Variants in EYS observed in about 807,000 individuals in gnomAD.
EYS encodes the protein protein eyes shut homolog.
EYS carries 250 observed loss-of-function variants against 282.1 expected under a neutral mutation model. The observed-to-expected ratio is 0.89, with a 90% CI of 0.80 to 0.98. The LOEUF (loss-of-function observed/expected upper bound fraction) is 0.98, where lower values mean the gene tolerates loss of function less well. Ranked by LOEUF, EYS falls within the 50% of genes least tolerant of loss-of-function variation. The pLI is 0.00. For missense variants in EYS, 4,016 were observed against 3,709.0 expected (o/e 1.08, Z -2.15); for synonymous variants, 1,355 against 1,282.9 (o/e 1.06, Z -1.20).
intron 29 of EYS, among the ~76,000 whole-genome samples, chr6:64,369,867 G>C (rs1261710621): frequency 1.3e-5 from 2 of 151,932 alleles, no homozygotes; most frequent in African/African-American, 2.4e-5. Flanking sequence ...ACTGATTTTT[G>C]TACATTGATT....
At chr6:64,170,384 CAG>C (rs908818481) in intron 31 of EYS, among the ~76,000 whole-genome samples, 4 of 152,164 alleles carry the variant, frequency 2.6e-5, no homozygotes, top group Non-Finnish European at 5.9e-5. Context: ...TTTAAAATAA[CAG>C]AAATGTATTG....
In EYS at chr6:64,439,221, C is replaced by G. The variant is rs1051421896; in HGVS notation, c.5776G>C (p.Asp1926His). 6 of 1,485,012 alleles carry G rather than the reference C, an allele frequency of 4.0e-6. No homozygotes were observed. Among genetic ancestry groups the G allele is most frequent in the Non-Finnish European group, 5.4e-6 (6 of 1,118,188 alleles). The allele number at this position is 1,485,012 out of a possible 1,614,324, so 92.0% of individuals were successfully genotyped here. ...SYGLLLYVKQDSNLVDGFFIQ... is the reference protein window; with the variant it reads ...SYGLLLYVKQHSNLVDGFFIQ... ...AAAAATCCATCTACTAAATTTGAGT[C>G]TTGCTTGACATACAGCAGAAGTCCA... The change falls in exon 27 of 43, where the codon GAC (aspartate) becomes CAC (histidine). Residue 1926 changes from aspartate to histidine, a missense_variant. Physicochemically the swap from Asp to His is moderately conservative, Grantham distance 81. Coordinates refer to ENST00000503581, the MANE Select transcript of EYS (RefSeq NM_001142800.2).
chr6:65,421,531 T>C lies in EYS; in HGVS notation c.863-16164A>G, dbSNP rs538013128. On this transcript the variant is annotated intron_variant, in intron 5 of 42. Coordinates refer to ENST00000503581, the MANE Select transcript of EYS (RefSeq NM_001142800.2). ...CTTAACTTTCATGTACTTACTATAG[T>C]AGCACTCTTAATTTCCTTCAAGAAT... Among the ~76,000 whole-genome samples the C allele has an allele frequency of 5.7e-4, 86 of 151,748 alleles. 1 individual carries two copies. Among genetic ancestry groups the C allele is most frequent in the Non-Finnish European group, 1.0e-3 (71 of 67,890 alleles).
intron 2 of EYS, among the ~76,000 whole-genome samples, chr6:65,500,435 TATC>T (rs1027769423): frequency 1.3e-5 from 2 of 152,026 alleles, no homozygotes; most frequent in African/African-American, 4.8e-5. Flanking sequence ...TATATTTCAT[TATC>T]ATAATGGTGG....
chr6:64,340,490 A>C (rs1284833998), intron 29 of EYS, among the ~76,000 whole-genome samples: 1 of 151,918 alleles, frequency 6.6e-6, no homozygotes, highest in East Asian at 1.9e-4. Context: ...ATATTCAATA[A>C]ATGGTGCTGG....
chr6:64,464,580 C>T (rs1316086318), intron 26 of EYS, among the ~76,000 whole-genome samples: 1 of 152,014 alleles, frequency 6.6e-6, no homozygotes, highest in Non-Finnish European at 1.5e-5. Context: ...AACTAACAAA[C>T]AAATTCAGCA....
At chr6:64,882,531 G>A (rs187361966) in intron 19 of EYS, among the ~76,000 whole-genome samples, 6 of 151,036 alleles carry the variant, frequency 4.0e-5, no homozygotes, top group African/African-American at 1.5e-4. Flanking sequence ...TGTTGCTGTC[G>A]TTGACAAAAA....
chr6:64,427,374 G>A (rs1264496751), intron 28 of EYS, among the ~76,000 whole-genome samples: 8 of 152,100 alleles, frequency 5.3e-5, no homozygotes, highest in African/African-American at 1.9e-4. Flanking sequence ...GGGAGAGACT[G>A]ATGTATATAA....
At chr6:64,637,298 A>G (rs1582983098) in intron 22 of EYS, among the ~76,000 whole-genome samples, 1 of 90,558 alleles carries the variant, frequency 1.1e-5, no homozygotes, top group East Asian at 2.5e-4. Flanking sequence ...TTGTAGGGAC[A>G]TGGATGAAAC....
At chr6:64,664,442 G>A (rs1769157611) in intron 22 of EYS, among the ~76,000 whole-genome samples, 1 of 152,086 alleles carries the variant, frequency 6.6e-6, no homozygotes, top group Admixed American at 6.5e-5. Context: ...ATTCTTAGTT[G>A]GCCTAGGAAA....
intron 22 of EYS, among the ~76,000 whole-genome samples, chr6:64,779,718 C>T (rs1261949506): frequency 2.0e-5 from 3 of 152,104 alleles, no homozygotes; most frequent in African/African-American, 7.2e-5. Flanking sequence ...AAAGAGGAAA[C>T]TGGGGTGGAA....
At chr6:65,162,505 A>G (rs74993331) in intron 12 of EYS, among the ~76,000 whole-genome samples, 104 of 151,372 alleles carry the variant, frequency 6.9e-4, no homozygotes, top group African/African-American at 2.3e-3. Flanking sequence ...ATATTTTAAT[A>G]TTAGACACAT....
intron 19 of EYS, among the ~76,000 whole-genome samples, chr6:64,864,382 C>CTTTTTTTTTTTTTTTTT (rs1562231995): frequency 2.5e-5 from 1 of 40,076 alleles, no homozygotes. Context: ...GGTGCTATAC[C>CTTTTTTTTTTTTTTTTT]TTCTTTTTTT....
chr6:64,729,151 T>G (rs1166996587), intron 22 of EYS: 1 of 152,302 alleles, frequency 6.6e-6, no homozygotes, highest in African/African-American at 2.4e-5. Flanking sequence ...GGAATACATG[T>G]TCTCACATTG....
At chr6:65,577,107 T>C (rs530671030) in intron 2 of EYS, among the ~76,000 whole-genome samples, 3 of 151,840 alleles carry the variant, frequency 2.0e-5, no homozygotes, top group South Asian at 4.1e-4. Context: ...GAAAACCTAA[T>C]AGCCAAAGCA....
rs935035589 is a variant in EYS, at chr6:64,845,289, TA to T, written c.2993-22468del. On this transcript the variant is annotated intron_variant, in intron 19 of 42. Coordinates refer to ENST00000503581, the MANE Select transcript of EYS (RefSeq NM_001142800.2). ...CTGGGTGACAGAGAAAGTGCTTATC[TA>T]AAAAAAAAATTAAAAATAAAATTTA... Among the ~76,000 whole-genome samples, 302 of 149,640 alleles carry T rather than the reference TA, an allele frequency of 2.0e-3. 2 individuals are homozygous for T. The highest frequency in any genetic ancestry group is 0.01 in the Middle Eastern group (3 of 292).
At chr6:64,728,533 C>T (rs1187805294) in intron 22 of EYS, among the ~76,000 whole-genome samples, 1 of 152,020 alleles carries the variant, frequency 6.6e-6, no homozygotes, top group Non-Finnish European at 1.5e-5. Context: ...GGTGGGGTTT[C>T]ACCGCATTAT....
At chr6:64,684,816 A>C (rs1770032726) in intron 22 of EYS, among the ~76,000 whole-genome samples, 1 of 151,224 alleles carries the variant, frequency 6.6e-6, no homozygotes, top group Non-Finnish European at 1.5e-5. Context: ...TAGAAAAATT[A>C]AAATAAGATA....
intron 22 of EYS, among the ~76,000 whole-genome samples, chr6:64,741,523 C>A (rs1315659539): frequency 6.6e-6 from 1 of 152,118 alleles, no homozygotes; most frequent in Admixed American, 6.5e-5. Context: ...AGCTTTGAAG[C>A]CAGGCACTGA....
Sources: allele counts gnomAD v4.1 joint callset (sites outside exome capture counted in the v4.1 genomes callset), GRCh38; gene constraint gnomAD v4.1.1; transcripts MANE v1.5; gene names NCBI Gene and HGNC (gene_info 2026-07-23, HGNC 2026-07-21).